ADGRB3: variants seen among roughly 807,000 people sequenced by gnomAD.
ADGRB3 encodes the protein adhesion G protein-coupled receptor B3, also known as brain-specific angiogenesis inhibitor 3.
ADGRB3 carries 37 observed loss-of-function variants against 193.4 expected under a neutral mutation model. The observed-to-expected ratio is 0.19, with a 90% confidence interval of 0.15 to 0.25. The LOEUF (loss-of-function observed/expected upper bound fraction) is 0.25, where lower values mean the gene tolerates loss of function less well. Ranked by LOEUF, ADGRB3 falls within the 10% of genes least tolerant of loss-of-function variation. The pLI, the probability that ADGRB3 is intolerant of heterozygous loss-of-function variation, is 1.00. For missense variants in ADGRB3, 1,637 were observed against 1,852.9 expected (o/e 0.88, Z 2.14); for synonymous variants, 690 against 644.2 (o/e 1.07, Z -1.08).
intron 13 of ADGRB3, among the ~76,000 whole-genome samples, chr6:69,028,641 A>G (rs1443010465): frequency 1.3e-5 from 2 of 152,144 alleles, no homozygotes; most frequent in Non-Finnish European, 2.9e-5. Flanking sequence ...CTAAGACACA[A>G]CTATTCATGG....
chr6:69,268,488 A>G (rs1767097449), intron 20 of ADGRB3, among the ~76,000 whole-genome samples: 1 of 152,128 alleles, frequency 6.6e-6, no homozygotes, highest in African/African-American at 2.4e-5. Flanking sequence ...CCGCTTTGAC[A>G]AGATGACCTC....
rs1019214971 is a variant in ADGRB3 at position 69,178,413 on chromosome 6, A to G, written c.2481-54877A>G. ...TTTGTTTGTTTTATTTTTTAATCCA[A>G]CTTGCCACTCTGTGCCTTTTATGAG... On this transcript the variant is annotated intron_variant, in intron 17 of 31. Coordinates refer to ENST00000370598, the MANE Select transcript of ADGRB3 (RefSeq NM_001704.3). Among the ~76,000 whole-genome samples, 8 of 152,188 alleles carry G rather than the reference A, an allele frequency of 5.3e-5. No individual in the cohort carries two copies. In the East Asian group the frequency reaches 1.2e-3, roughly 22 times the overall value.
At chr6:69,135,782 A>G (rs754511793) in intron 17 of ADGRB3, among the ~76,000 whole-genome samples, 1 of 152,108 alleles carries the variant, frequency 6.6e-6, no homozygotes, top group Non-Finnish European at 1.5e-5. Context: ...CCAGGAAAAC[A>G]GACTATAGGG....
At chr6:68,766,229 CT>C (rs1379199219) in intron 3 of ADGRB3, among the ~76,000 whole-genome samples, 3 of 151,622 alleles carry the variant, frequency 2.0e-5, no homozygotes, top group Non-Finnish European at 4.4e-5. Flanking sequence ...TTCTGTTTTT[CT>C]TTTTTAGCTT....
At chr6:68,851,932 C>T (rs1019788926) in intron 3 of ADGRB3, among the ~76,000 whole-genome samples, 1 of 151,734 alleles carries the variant, frequency 6.6e-6, no homozygotes, top group Admixed American at 6.6e-5. Context: ...TTCATGAAAT[C>T]ATAGGCAATT....
intron 3 of ADGRB3, among the ~76,000 whole-genome samples, chr6:68,742,604 A>C (rs558791832): frequency 1.3e-5 from 2 of 152,228 alleles, no homozygotes; most frequent in East Asian, 3.9e-4. Context: ...GAGAATAATA[A>C]ATGCCTACCA....
chr6:69,182,103 A>AAATG (rs1775600491), intron 17 of ADGRB3, among the ~76,000 whole-genome samples: 1 of 152,194 alleles, frequency 6.6e-6, no homozygotes. Context: ...CAAAGACTGA[A>AAATG]AATGGAAGGA....
intron 17 of ADGRB3, among the ~76,000 whole-genome samples, chr6:69,141,684 C>G (rs1464480868): frequency 6.6e-6 from 1 of 152,028 alleles, no homozygotes; most frequent in Admixed American, 6.6e-5. Context: ...CCGTGAAGAT[C>G]ATCATAAAGA....
intron 16 of ADGRB3, among the ~76,000 whole-genome samples, chr6:69,065,416 C>G (rs904228426): frequency 6.6e-6 from 1 of 152,106 alleles, no homozygotes; most frequent in Non-Finnish European, 1.5e-5. Flanking sequence ...ATCCATCTCA[C>G]TGTTGTCTGT....
At chr6:69,198,109 A>T (rs536984411) in intron 17 of ADGRB3, among the ~76,000 whole-genome samples, 2 of 152,170 alleles carry the variant, frequency 1.3e-5, no homozygotes, top group African/African-American at 4.8e-5. Context: ...TACTGTAGGT[A>T]TTTGGCTTAT....
At chr6:69,101,433 CGTGTGT>C (rs59471051) in intron 17 of ADGRB3, among the ~76,000 whole-genome samples, 13 of 145,278 alleles carry the variant, frequency 8.9e-5, no homozygotes, top group South Asian at 4.5e-4. Flanking sequence ...CAGTAAGTAT[CGTGTGT>C]GTGTGTGTGT....
intron 12 of ADGRB3, among the ~76,000 whole-genome samples, chr6:69,015,555 G>A (rs968381176): frequency 6.6e-6 from 1 of 151,988 alleles, no homozygotes; most frequent in East Asian, 1.9e-4. Context: ...TGGCACAAAC[G>A]GTGAACTTTG....
chr6:69,313,425 A>G (rs1768241458), intron 20 of ADGRB3, among the ~76,000 whole-genome samples: 1 of 151,874 alleles, frequency 6.6e-6, no homozygotes, highest in South Asian at 2.1e-4. Context: ...AACAGAATAA[A>G]TAAATGTCTT....
rs142154461 is a variant in ADGRB3, at chr6:68,753,118, C to T, written c.757+113686C>T. 9.1e-4 allele frequency among the ~76,000 whole-genome samples: 138 copies of T among 152,224 alleles called. 1 individual carries two copies. Among genetic ancestry groups the T allele is most frequent in the African/African-American group, 3.1e-3 (127 of 41,532 alleles). ...AAGAGCTGCTATGGAAAAGGTACCACCCTAGGCGATAGGGATAGTGTGGTA... is the reference window on the plus strand; with the variant it reads ...AAGAGCTGCTATGGAAAAGGTACCATCCTAGGCGATAGGGATAGTGTGGTA... On this transcript the variant is annotated intron_variant, in intron 3 of 31. Transcript: ENST00000370598.
rs528226468 is a variant in ADGRB3 at position 68,844,350 on chromosome 6, A to C, written c.758-86209A>C. ...GAAAAAAAATCCAATAGTCCAATTT[A>C]AAAATGGGTAAAAGATATGAATAAA... On this transcript the variant is annotated intron_variant, in intron 3 of 31. Transcript: ENST00000370598. Among the ~76,000 whole-genome samples, 3 of 152,330 alleles carry C rather than the reference A, an allele frequency of 2.0e-5. No homozygotes were observed. The East Asian group carries it at 5.8e-4, about 29-fold the overall frequency.
rs1302277142 is a variant in ADGRB3, at chr6:69,322,613, G to A, written c.2815-2259G>A. On this transcript the variant is annotated intron_variant, in intron 20 of 31. Coordinates refer to ENST00000370598, the MANE Select transcript of ADGRB3 (RefSeq NM_001704.3). ...TGCATTTCTCTTAATGGTCAGTGAT[G>A]TTGAGCATTTTTCATACACTTGTTG... Among the ~76,000 whole-genome samples, 4 of 151,852 alleles carry A rather than the reference G, an allele frequency of 2.6e-5. No homozygotes were observed. In the East Asian group the frequency reaches 5.8e-4, roughly 22 times the overall value.
chr6:69,324,182 A>C (rs896250332), intron 20 of ADGRB3, among the ~76,000 whole-genome samples: 3 of 152,158 alleles, frequency 2.0e-5, no homozygotes, highest in Non-Finnish European at 4.4e-5. Flanking sequence ...GTGAAGAAAA[A>C]TATCTATAAA....
At chr6:69,275,163 A>T (rs1169844517) in intron 20 of ADGRB3, among the ~76,000 whole-genome samples, 1 of 152,156 alleles carries the variant, frequency 6.6e-6, no homozygotes, top group Non-Finnish European at 1.5e-5. Flanking sequence ...TGCTGAGAGC[A>T]TTGTGATCTG....
chr6:68,977,402 A>G lies in ADGRB3; in HGVS notation c.1734+2062A>G, dbSNP rs965993249. On this transcript the variant is annotated intron_variant, in intron 10 of 31. Transcript: ENST00000370598. ...TGAATGGGAATAATTACAGGGATTA[A>G]GTAAATAACAGAGCAATCTTTACAA... 2.0e-5 allele frequency among the ~76,000 whole-genome samples: 3 copies of G among 152,256 alleles called. No homozygotes were observed. The East Asian group carries it at 5.8e-4, about 29-fold the overall frequency.
Sources: gnomAD v4.1 joint callset for allele counts (sites outside exome capture counted in the v4.1 genomes callset) on GRCh38, gnomAD v4.1.1 for gene constraint, MANE v1.5 for transcripts, NCBI Gene and HGNC (gene_info 2026-07-23, HGNC 2026-07-21) for gene names.